CSNK2A2: variants seen among roughly 807,000 people sequenced by gnomAD.
The protein encoded by CSNK2A2 is casein kinase II subunit alpha'.
Under a neutral mutation model 54.0 loss-of-function variants are expected in CSNK2A2, and 8 were observed. That is an observed-to-expected ratio of 0.15 (90% confidence interval 0.09 to 0.27). The LOEUF (loss-of-function observed/expected upper bound fraction) is 0.27. Ranked by LOEUF, CSNK2A2 falls within the 10% of genes least tolerant of loss-of-function variation. The probability of loss-of-function intolerance (pLI) is 1.00; values close to 1 mark genes in which losing one functional copy is unlikely to be tolerated. For synonymous variants in CSNK2A2, 141 were observed against 153.9 expected (o/e 0.92, Z 0.62); for missense variants, 242 against 439.4 (o/e 0.55, Z 4.02).
Position 58,173,346 on chromosome 16 carries a change from T to C in CSNK2A2, c.429+1105A>G, listed in dbSNP as rs149540023. Among the ~76,000 whole-genome samples, 6 of 152,360 alleles carry C rather than the reference T, an allele frequency of 3.9e-5. No homozygotes were observed. In the East Asian group the frequency reaches 5.8e-4, roughly 15 times the overall value. On this transcript the variant is annotated intron_variant, in intron 5 of 11. Coordinates refer to ENST00000262506, the MANE Select transcript of CSNK2A2 (RefSeq NM_001896.4). ...TTCTTATAAAAACACATTCATTTCA[T>C]AGAACTGTTCTTAAGATCTACAACT...
chr16:58,180,453 T>A (rs1411879540), intron 4 of CSNK2A2, among the ~76,000 whole-genome samples: 1 of 151,176 alleles, frequency 6.6e-6, no homozygotes, highest in East Asian at 1.9e-4. Context: ...TGAAAGTGAA[T>A]AAAATATATA....
Position 58,171,393 on chromosome 16 carries a change from C to T in CSNK2A2, c.430-2700G>A, listed in dbSNP as rs1326343422. Among the ~76,000 whole-genome samples, 3 of 151,868 alleles carry T rather than the reference C, an allele frequency of 2.0e-5. 1 individual carries two copies. The highest frequency in any genetic ancestry group is 2.1e-4 in the South Asian group (1 of 4,806). The stretch of plus-strand genomic sequence containing the variant: ...CAAAAATTAGCCAGGTGTGGTGGTG[C>T]GTGCCTGTAATCCCAACTACTCAGG... On this transcript the variant is annotated intron_variant, in intron 5 of 11. Transcript: ENST00000262506.
chr16:58,159,372 G>A (rs1032917880), intron 11 of CSNK2A2, among the ~76,000 whole-genome samples: 20 of 152,188 alleles, frequency 1.3e-4, no homozygotes, highest in African/African-American at 4.8e-4. Flanking sequence ...GTGTCTGAGT[G>A]GCGCGACTCA....
intron 2 of CSNK2A2, among the ~76,000 whole-genome samples, chr16:58,195,359 A>T (rs1207549948): frequency 6.6e-6 from 1 of 152,134 alleles, no homozygotes. Context: ...CTAGGCTAGG[A>T]TGTTTTGAGT....
rs377088105 is a variant in CSNK2A2, at chr16:58,184,358, A to G, written c.319-48T>C. 9.2e-6 allele frequency: 13 copies of G among 1,406,078 alleles called. No individual in the cohort carries two copies. The East Asian group carries it at 2.6e-4, about 28-fold the overall frequency. The allele number at this position is 1,406,078 out of a possible 1,614,324, so 87.1% of individuals were successfully genotyped here. ...TTTTTAAGTACCCAAACAATAATCA[A>G]TGTAATCTGCTTCTGCCAAAATGGC... On this transcript the variant is annotated intron_variant, in intron 3 of 11. Transcript: ENST00000262506.
At position 58,167,749 on chromosome 16, in the gene CSNK2A2, T is replaced by C; in HGVS notation, c.560A>G (p.Gln187Arg). 3 of 1,614,156 alleles carry C rather than the reference T, an allele frequency of 1.9e-6. No individual in the cohort carries two copies. The highest frequency in any genetic ancestry group is 2.5e-6 in the Non-Finnish European group (3 of 1,179,998). Residue 187 changes from glutamine (Q) to arginine (R), a missense_variant, in exon 7 of 12, where the codon CAG becomes CGG. By Grantham distance (43) the Gln-to-Arg change is conservative. Around this residue, in one of 5 missense-constraint regions of CSNK2A2, gnomAD observed 40 missense variants for 128.7 expected, o/e 0.31. Transcript: ENST00000262506. ...WGLAEFYHPAQEYNVRVASRY... is the reference protein window; with the variant it reads ...WGLAEFYHPAREYNVRVASRY... ...TGAGGCTACACGAACATTGTACTCC[T>C]GAGCAGGATGATAGAATTCTGCCAG...
In CSNK2A2 at chr16:58,173,650, C is replaced by T. The variant is rs186576715; in HGVS notation, c.429+801G>A. ...TCCCTGCATTAACGAGCCACGGCTA[C>T]AGGGGTAGGTTAGGAAGACTCATGC... On this transcript the variant is annotated intron_variant, in intron 5 of 11. Coordinates refer to ENST00000262506, the MANE Select transcript of CSNK2A2 (RefSeq NM_001896.4). 2.0e-4 allele frequency among the ~76,000 whole-genome samples: 30 copies of T among 152,256 alleles called. No homozygotes were observed. The East Asian group carries it at 5.8e-3, about 29-fold the overall frequency.
At chr16:58,188,336 A>C (rs1438568842) in intron 2 of CSNK2A2, among the ~76,000 whole-genome samples, 1 of 151,926 alleles carries the variant, frequency 6.6e-6, no homozygotes, top group Non-Finnish European at 1.5e-5. Flanking sequence ...TAGAAACCTT[A>C]CTCCTTAGTC....
At chr16:58,174,367 G>T in intron 5 of CSNK2A2, 84 bp downstream of exon 5, 1 of 953,862 alleles carries the variant, frequency 1.0e-6, no homozygotes, top group Non-Finnish European at 1.6e-6. Context: ...GAAACATTCT[G>T]CTTAAGTTCT....
intron 4 of CSNK2A2, among the ~76,000 whole-genome samples, chr16:58,175,405 A>G (rs1487793675): frequency 1.3e-5 from 2 of 152,214 alleles, no homozygotes; most frequent in Non-Finnish European, 2.9e-5. Flanking sequence ...CCTTTATTAA[A>G]CTTCTCTTGT....
intron 4 of CSNK2A2, among the ~76,000 whole-genome samples, chr16:58,181,736 G>C (rs2142434947): frequency 6.6e-6 from 1 of 152,210 alleles, no homozygotes; most frequent in South Asian, 2.1e-4. Context: ...AAAGAAGAAA[G>C]GGGAGAAAAA....
intron 4 of CSNK2A2, among the ~76,000 whole-genome samples, chr16:58,179,668 A>G (rs1349197031): frequency 2.0e-5 from 3 of 152,210 alleles, no homozygotes; most frequent in African/African-American, 7.2e-5. Flanking sequence ...GCAAATTCAC[A>G]ATGTTGCAGT....
At chr16:58,178,892 CATT>C (rs1435663919) in intron 4 of CSNK2A2, among the ~76,000 whole-genome samples, 1 of 152,092 alleles carries the variant, frequency 6.6e-6, no homozygotes, top group Non-Finnish European at 1.5e-5. Context: ...AAATAATTAA[CATT>C]ATATAGGTCA....
intron 4 of CSNK2A2, among the ~76,000 whole-genome samples, chr16:58,181,057 T>C (rs1046210762): frequency 6.6e-6 from 1 of 152,196 alleles, no homozygotes; most frequent in Admixed American, 6.5e-5. Flanking sequence ...GATTAAAATG[T>C]CATGGCTTGA....
intron 2 of CSNK2A2, among the ~76,000 whole-genome samples, chr16:58,188,066 A>G (rs1195512646): frequency 2.0e-5 from 3 of 152,228 alleles, no homozygotes; most frequent in Admixed American, 1.3e-4. Flanking sequence ...GGGGGAAAAT[A>G]TAACATACAC....
At chr16:58,196,213 A>C (rs773664821) in intron 2 of CSNK2A2, among the ~76,000 whole-genome samples, 2 of 152,216 alleles carry the variant, frequency 1.3e-5, no homozygotes, top group Non-Finnish European at 2.9e-5. Context: ...TTTTAGAACA[A>C]ACACTTTACT....
At chr16:58,184,432 C>T in intron 3 of CSNK2A2, 122 bp from the exon 4 acceptor site, 1 of 620,320 alleles carries the variant, frequency 1.6e-6, no homozygotes, top group Admixed American at 3.1e-5. Flanking sequence ...TCATCAGGGA[C>T]AGCCTGTCAA....
Position 58,174,509 on chromosome 16 carries a change from T to G in CSNK2A2, c.371A>C (p.Gln124Pro). 1 of 1,611,988 alleles carries G rather than the reference T, an allele frequency of 6.2e-7. No homozygotes were observed. Among genetic ancestry groups the G allele is most frequent in the Non-Finnish European group, 8.5e-7 (1 of 1,179,032 alleles). Residue 124 changes from glutamine (Q) to proline (P), a missense_variant and splice_region_variant, in exon 5 of 12, where the codon CAA becomes CCA. Physicochemically the swap from Gln to Pro is moderately conservative, Grantham distance 76. Around this residue, in one of 5 missense-constraint regions of CSNK2A2, gnomAD observed 69 missense variants for 97.0 expected, o/e 0.71. Transcript: ENST00000262506. ...AAAGTCTGTCAGGATCTGGTAGAGT[T>G]GCTGAAACAGATTCCAGAAAACAGA... Reference protein sequence around the residue: ...FEYINNTDFKQLYQILTDFDI... With the variant: ...FEYINNTDFKPLYQILTDFDI...
Position 58,165,500 on chromosome 16 carries a change from G to C in CSNK2A2, c.976+60C>G, listed in dbSNP as rs1961538921. 11 of 1,481,262 alleles carry C rather than the reference G, an allele frequency of 7.4e-6. No individual in the cohort carries two copies. The South Asian group carries it at 1.4e-4, about 19-fold the overall frequency. 91.8% of individuals were successfully genotyped at this position (1,481,262 alleles called of 1,614,324 possible). A position where few individuals can be genotyped will look rare whatever the true frequency, so the allele number is the denominator to read the frequency against. On this transcript the variant is annotated intron_variant, in intron 10 of 11. Coordinates refer to ENST00000262506, the MANE Select transcript of CSNK2A2 (RefSeq NM_001896.4). ...TCTCCTGACTGGTCTCAAAGACAAA[G>C]AGTGGAAGATTTGTTCTCTTGACTG... is the stretch of plus-strand genomic sequence containing the variant.
Sources: allele counts gnomAD v4.1 joint callset (sites outside exome capture counted in the v4.1 genomes callset), GRCh38; gene constraint gnomAD v4.1.1; regional missense constraint gnomAD v4.1.1; transcripts MANE v1.5; gene names NCBI Gene and HGNC (gene_info 2026-07-23, HGNC 2026-07-21).